Variants in DNAH9 observed in about 807,000 individuals in gnomAD.
The protein encoded by DNAH9 is DNAH9 variant protein.
In DNAH9, 345 loss-of-function variants were observed where a neutral mutation model predicts 471.6. The observed-to-expected ratio is 0.73, with a 90% CI of 0.67 to 0.80. The LOEUF (loss-of-function observed/expected upper bound fraction) is 0.80. Among genes scored for constraint, DNAH9 ranks in the 30% least tolerant of loss-of-function variants. The probability of loss-of-function intolerance (pLI) is 0.00; values close to 1 mark genes in which losing one functional copy is unlikely to be tolerated. For synonymous variants in DNAH9, 2,093 were observed against 2,123.6 expected (o/e 0.99, Z 0.40); for missense variants, 5,407 against 5,609.2 (o/e 0.96, Z 1.15).
chr17:11,599,100 C>G (rs2072330479), intron 1 of DNAH9, among the ~76,000 whole-genome samples, 185 bp downstream of exon 1: 1 of 151,450 alleles, frequency 6.6e-6, no homozygotes, highest in South Asian at 2.1e-4. Context: ...TTCCTGAAGT[C>G]AGGAAGAAAA....
chr17:11,778,765 G>C (rs1033542129), intron 38 of DNAH9, among the ~76,000 whole-genome samples: 13 of 152,194 alleles, frequency 8.5e-5, no homozygotes, highest in Middle Eastern at 3.4e-3. Flanking sequence ...CCAGCACTTT[G>C]GGAGGCTGAG....
At chr17:11,699,647 G>A (rs548266354) in intron 22 of DNAH9, 84 bp from the exon 23 acceptor site, 2 of 1,237,192 alleles carry the variant, frequency 1.6e-6, no homozygotes, top group Non-Finnish European at 2.4e-6. Flanking sequence ...CACAATGATT[G>A]CCACATGGTA....
chr17:11,621,407 C>CAAAAAAAAA (rs34933930), intron 6 of DNAH9, among the ~76,000 whole-genome samples: 2 of 72,642 alleles, frequency 2.8e-5, no homozygotes. Flanking sequence ...GACTCCATCT[C>CAAAAAAAAA]AAAAAAAAAA....
intron 42 of DNAH9, 44 bp downstream of exon 42, chr17:11,793,708 A>G (rs1597655516): frequency 3.4e-6 from 5 of 1,457,214 alleles, no homozygotes; most frequent in South Asian, 1.3e-5. Context: ...GAAAAAAAAA[A>G]AGATAATTAT....
chr17:11,800,581 C>T (rs923478929), intron 43 of DNAH9, among the ~76,000 whole-genome samples: 1 of 152,092 alleles, frequency 6.6e-6, no homozygotes, highest in African/African-American at 2.4e-5. Context: ...AAACGTTGCC[C>T]ATCTTTGTCT....
At chr17:11,930,135 C>G (rs1974459780) in intron 63 of DNAH9, 42 bp downstream of exon 63, 1 of 1,535,274 alleles carries the variant, frequency 6.5e-7, no homozygotes, top group Admixed American at 1.7e-5. Context: ...GCACACCTCA[C>G]AGTCAGCTGA....
intron 26 of DNAH9, among the ~76,000 whole-genome samples, chr17:11,711,995 T>C (rs553716273): frequency 7.7e-5 from 1 of 12,906 alleles, no homozygotes. Context: ...TATATAAATA[T>C]ATATATTTGT....
intron 66 of DNAH9, among the ~76,000 whole-genome samples, chr17:11,940,463 G>C: frequency 6.6e-6 from 1 of 152,302 alleles, no homozygotes; most frequent in African/African-American, 2.4e-5. Context: ...CTCTGCTCCA[G>C]AGAAAAATAT....
In DNAH9 at chr17:11,637,264, G is replaced by A. The variant is rs557989539; in HGVS notation, c.1786+480G>A. Among the ~76,000 whole-genome samples, 32 of 152,260 alleles carry A rather than the reference G, an allele frequency of 2.1e-4. No homozygotes were observed. The East Asian group carries it at 5.2e-3, about 25-fold the overall frequency. On this transcript the variant is annotated intron_variant, in intron 9 of 68. Coordinates refer to ENST00000262442, the MANE Select transcript of DNAH9 (RefSeq NM_001372.4). ...GTCTCCATTTTTATTATGATGCTGC[G>A]TGTCAAAACAAATGCATTTCAGTTT...
At chr17:11,826,482 G>A (rs11078035) in intron 48 of DNAH9, among the ~76,000 whole-genome samples, 67,725 of 119,468 alleles carry the variant, frequency 0.57, 19,501 homozygotes, top group Non-Finnish European at 0.59. Context: ...TTTTTTTGAG[G>A]CGGAGTCTTG....
chr17:11,762,770 GTTTTTTT>G (rs563544881), intron 35 of DNAH9, among the ~76,000 whole-genome samples: 2 of 90,744 alleles, frequency 2.2e-5, no homozygotes, highest in African/African-American at 4.1e-5. Context: ...TTTTTTTTTT[GTTTTTTT>G]TTTTTTTTTT....
At chr17:11,687,536 C>T (rs1028552212) in intron 19 of DNAH9, among the ~76,000 whole-genome samples, 15 of 152,262 alleles carry the variant, frequency 9.9e-5, no homozygotes, top group Non-Finnish European at 1.3e-4. Context: ...CCTACCAACA[C>T]GCAAACACAT....
At chr17:11,921,278 AAATAGCCTCCAAGTAGCAAG>A (rs1974131149) in intron 61 of DNAH9, among the ~76,000 whole-genome samples, 1 of 151,998 alleles carries the variant, frequency 6.6e-6, no homozygotes, top group East Asian at 1.9e-4. Context: ...GGTGGAGAAG[AAATAGCCTCCAAGTAGCAAG>A]AAAACACTAG....
At chr17:11,866,360 C>T (rs1287614172) in intron 50 of DNAH9, among the ~76,000 whole-genome samples, 1 of 152,122 alleles carries the variant, frequency 6.6e-6, no homozygotes, top group Non-Finnish European at 1.5e-5. Context: ...ATGCTGCTGT[C>T]TGATTGTTCC....
intron 56 of DNAH9, chr17:11,884,616 G>C: frequency 2.2e-6 from 1 of 455,740 alleles, no homozygotes; most frequent in Non-Finnish European, 4.4e-6. Flanking sequence ...TGATGGGTAA[G>C]ACAGATAAAC....
intron 45 of DNAH9, among the ~76,000 whole-genome samples, chr17:11,812,179 G>C (rs1039254503): frequency 6.7e-6 from 1 of 150,322 alleles, no homozygotes; most frequent in Non-Finnish European, 1.5e-5. Context: ...TAAACCAAAT[G>C]CAGCATCTAC....
intron 55 of DNAH9, chr17:11,882,837 TG>T: frequency 1.4e-6 from 1 of 705,636 alleles, no homozygotes. Flanking sequence ...GTAAAGCCTC[TG>T]GGCATAGAGC....
Position 11,942,297 on chromosome 17 carries a change from G to C in DNAH9, c.12661-6G>C. On this transcript the variant is annotated splice_polypyrimidine_tract_variant and splice_region_variant and intron_variant, in intron 66 of 68. Transcript: ENST00000262442. ...TCTTAACGCTGTGTTTCCTTCTGTG[G>C]GGCAGGTCAAGGCACTTCTGGAAGA... 2 of 1,613,230 alleles carry C rather than the reference G, an allele frequency of 1.2e-6. No homozygotes were observed. Among genetic ancestry groups the C allele is most frequent in the South Asian group, 1.1e-5 (1 of 90,964 alleles).
chr17:11,788,474 T>C (rs1968951330), intron 41 of DNAH9, among the ~76,000 whole-genome samples: 1 of 152,192 alleles, frequency 6.6e-6, no homozygotes, highest in South Asian at 2.1e-4. Flanking sequence ...TCTCAATATA[T>C]CCCTGATGTT....
Sources: allele counts gnomAD v4.1 joint callset (sites outside exome capture counted in the v4.1 genomes callset), GRCh38; gene constraint gnomAD v4.1.1; transcripts MANE v1.5; gene names NCBI Gene and HGNC (gene_info 2026-07-23, HGNC 2026-07-21).